The following RIC1 variants were observed in gnomAD, a reference collection of about 807,000 sequenced individuals.
The protein encoded by RIC1 is guanine nucleotide exchange factor subunit RIC1.
Under a neutral mutation model 169.0 loss-of-function variants are expected in RIC1, and 88 were observed. The ratio of observed to expected loss-of-function variants is 0.52; its 90% CI spans 0.44 to 0.62. The LOEUF (loss-of-function observed/expected upper bound fraction) is 0.62, where lower values mean the gene tolerates loss of function less well. Ranked by LOEUF, RIC1 falls within the 20% of genes least tolerant of loss-of-function variation. RIC1 has a pLI of 0.00. For synonymous variants in RIC1, 790 were observed against 601.5 expected (o/e 1.31, Z -4.59); for missense variants, 1,877 against 1,725.5 (o/e 1.09, Z -1.56).
chr9:5,652,656 T>C (rs974778288), intron 1 of RIC1, among the ~76,000 whole-genome samples: 1 of 151,888 alleles, frequency 6.6e-6, no homozygotes, highest in Non-Finnish European at 1.5e-5. Context: ...AGTGTTAATT[T>C]GACTTCTCCT....
intron 4 of RIC1, among the ~76,000 whole-genome samples, chr9:5,717,157 C>G (rs542986382): frequency 3.4e-4 from 52 of 152,252 alleles, no homozygotes; most frequent in Non-Finnish European, 5.6e-4. Context: ...GTTACATTTT[C>G]CTGTTTATTC....
chr9:5,689,456 G>T (rs955418814), intron 2 of RIC1, among the ~76,000 whole-genome samples: 1 of 152,096 alleles, frequency 6.6e-6, no homozygotes, highest in Non-Finnish European at 1.5e-5. Context: ...TGTATCTGGG[G>T]CTATATTTTG....
chr9:5,769,850 T>C (rs1827076925), intron 22 of RIC1, among the ~76,000 whole-genome samples: 1 of 152,200 alleles, frequency 6.6e-6, no homozygotes, highest in South Asian at 2.1e-4. Context: ...AAGTTTTGCC[T>C]AGCTCCAGTA....
At chr9:5,637,962 C>A (rs529571177) in intron 1 of RIC1, among the ~76,000 whole-genome samples, 1 of 152,280 alleles carries the variant, frequency 6.6e-6, no homozygotes, top group African/African-American at 2.4e-5. Flanking sequence ...TTTACATACT[C>A]AGTATGATAC....
intron 2 of RIC1, among the ~76,000 whole-genome samples, chr9:5,682,124 T>A (rs1261049161): frequency 6.6e-6 from 1 of 152,224 alleles, no homozygotes; most frequent in Non-Finnish European, 1.5e-5. Context: ...TTTGCCAGTC[T>A]GTGTCTTTTA....
chr9:5,747,313 G>A lies in RIC1; in HGVS notation c.1260G>A (p.Glu420=), dbSNP rs1279724953. 1.9e-6 allele frequency: 3 copies of A among 1,613,876 alleles called. No homozygotes were observed. Among genetic ancestry groups the A allele is most frequent in the Non-Finnish European group, 2.5e-6 (3 of 1,179,832 alleles). ...TTTCCCTCATTTAGAGTAACCAAGA[G>A]CAGGTGTTGCTTCAGGGTGAGGATC... ...LTVNPCMSNQ[E]QVLLQGEDRL... The change falls in exon 12 of 26, where the codon GAG becomes GAA. Residue 420 remains glutamate (E), a synonymous_variant. Transcript: ENST00000414202.
intron 19 of RIC1, 147 bp from the exon 20 acceptor site, chr9:5,765,267 G>C (rs1826644490): frequency 1.3e-6 from 1 of 787,642 alleles, no homozygotes; most frequent in East Asian, 2.7e-5. Context: ...GCTTTTCCTT[G>C]TATGGTACTT....
chr9:5,728,509 G>C (rs910458523), intron 6 of RIC1, among the ~76,000 whole-genome samples: 6 of 152,206 alleles, frequency 3.9e-5, no homozygotes, highest in Admixed American at 6.5e-5. Flanking sequence ...GTGATGCCCT[G>C]TCCTCCTTGG....
At chr9:5,728,564 G>T (rs935387351) in intron 6 of RIC1, among the ~76,000 whole-genome samples, 2 of 152,206 alleles carry the variant, frequency 1.3e-5, no homozygotes, top group African/African-American at 4.8e-5. Context: ...AAGCCCTAGT[G>T]AGATGAACCT....
chr9:5,662,338 G>C (rs1819504141), intron 2 of RIC1, among the ~76,000 whole-genome samples: 1 of 152,096 alleles, frequency 6.6e-6, no homozygotes, highest in Non-Finnish European at 1.5e-5. Context: ...GATGATGCTG[G>C]CCTCATAGAA....
chr9:5,675,187 A>G (rs939707071), intron 2 of RIC1, among the ~76,000 whole-genome samples: 1 of 152,126 alleles, frequency 6.6e-6, no homozygotes, highest in Non-Finnish European at 1.5e-5. Flanking sequence ...CCGATTGGCT[A>G]ATTTAAAGAG....
chr9:5,753,849 A>G (rs945067810), intron 14 of RIC1, among the ~76,000 whole-genome samples: 1 of 152,176 alleles, frequency 6.6e-6, no homozygotes, highest in Non-Finnish European at 1.5e-5. Context: ...TTGTGTTGAA[A>G]TAGTTGGTTT....
Position 5,772,720 on chromosome 9 carries a change from A to C in RIC1, c.3773A>C (p.His1258Pro), listed in dbSNP as rs777161001. The C allele has an allele frequency of 6.2e-6, 10 of 1,608,298 alleles. No individual in the cohort carries two copies. Among genetic ancestry groups the C allele is most frequent in the Admixed American group, 3.4e-5 (2 of 58,464 alleles). The change falls in exon 24 of 26, where the codon CAT becomes CCT. Residue 1258 changes from histidine (H) to proline (P), a missense_variant. Coordinates refer to ENST00000414202, the MANE Select transcript of RIC1 (RefSeq NM_020829.4). Reference sequence around the variant, plus strand: ...ATGGAGTTGGCCAGTAAAGGGCCTCATAAATCCCAGGTCCAGCTTCGGTGA... The same window carrying C: ...ATGGAGTTGGCCAGTAAAGGGCCTCCTAAATCCCAGGTCCAGCTTCGGTGA... Reference protein sequence around the residue: ...ISMELASKGPHKSQVQLRYLL... With the variant: ...ISMELASKGPPKSQVQLRYLL...
In RIC1 at chr9:5,629,166, CGGCCA is replaced by C; in HGVS notation, c.-137_-133del. On this transcript the variant is annotated 5_prime_UTR_variant, in exon 1 of 26. Transcript: ENST00000414202. ...CGCGCAGCCTTGCGTCGGCCCGGCC[CGGCCA>C]GGCCAGCGGGCAGATGCCCCGAGCT... 1 of 775,300 alleles carries C rather than the reference CGGCCA, an allele frequency of 1.3e-6. No individual in the cohort carries two copies. The highest frequency in any genetic ancestry group is 1.8e-6 in the Non-Finnish European group (1 of 569,680). 48.0% of individuals were successfully genotyped at this position (775,300 alleles called of 1,614,324 possible). A position where few individuals can be genotyped will look rare whatever the true frequency, so the allele number is the denominator to read the frequency against.
Position 5,762,449 on chromosome 9 carries a change from T to C in RIC1, c.1993-92T>C, listed in dbSNP as rs1391212997. On this transcript the variant is annotated intron_variant, in intron 17 of 25. Transcript: ENST00000414202. Reference sequence around the variant, plus strand: ...TACAACCTCAATAAATAATGTAGATTGTTTGACCTATAAACCTTATGGATT... The same window carrying C: ...TACAACCTCAATAAATAATGTAGATCGTTTGACCTATAAACCTTATGGATT... 6.2e-6 allele frequency: 9 copies of C among 1,449,876 alleles called. No individual in the cohort carries two copies. In the South Asian group the frequency reaches 1.2e-4, roughly 19 times the overall value. The allele number at this position is 1,449,876 out of a possible 1,614,324, so 89.8% of individuals were successfully genotyped here. A position where few individuals can be genotyped will look rare whatever the true frequency, so the allele number is the denominator to read the frequency against.
At chr9:5,715,921 C>G (rs1312427543) in intron 4 of RIC1, among the ~76,000 whole-genome samples, 1 of 151,948 alleles carries the variant, frequency 6.6e-6, no homozygotes, top group African/African-American at 2.4e-5. Flanking sequence ...GATCACAGCT[C>G]ACTGCAGCCT....
chr9:5,707,317 A>G (rs1221150237), intron 3 of RIC1, among the ~76,000 whole-genome samples: 1 of 152,088 alleles, frequency 6.6e-6, no homozygotes, highest in Non-Finnish European at 1.5e-5. Context: ...GTCTTGGAGA[A>G]TGTTCCATGT....
In RIC1 at chr9:5,773,997, A is replaced by G. The variant is rs760903898; in HGVS notation, c.4023A>G (p.Gln1341=). 9 of 1,612,498 alleles carry G rather than the reference A, an allele frequency of 5.6e-6. No homozygotes were observed. The highest frequency in any genetic ancestry group is 5.5e-5 in the South Asian group (5 of 90,986). The change falls in exon 26 of 26, where the codon CAA becomes CAG. Residue 1341 remains glutamine, a synonymous_variant. Transcript: ENST00000414202. The part of the protein sequence containing the change: ...YKPFLNIIKP[Q]LQKLSEITEE... ...CATTTTTAAACATCATTAAGCCACA[A>G]CTGCAGAAGCTCAGTGAGATAACAG...
At chr9:5,721,452 G>GCA (rs548504593) in intron 6 of RIC1, among the ~76,000 whole-genome samples, 1 of 152,124 alleles carries the variant, frequency 6.6e-6, no homozygotes, top group Non-Finnish European at 1.5e-5. Context: ...ACACGCGCGT[G>GCA]CACACACACA....
Sources: gnomAD v4.1 joint callset for allele counts (sites outside exome capture counted in the v4.1 genomes callset) on GRCh38, gnomAD v4.1.1 for gene constraint, MANE v1.5 for transcripts, NCBI Gene and HGNC (gene_info 2026-07-23, HGNC 2026-07-21) for gene names.